Variants in CRACR2A observed in about 807,000 individuals in gnomAD.
The protein encoded by CRACR2A is calcium release activated channel regulator 2A.
Under a neutral mutation model 90.5 loss-of-function variants are expected in CRACR2A, and 79 were observed. That is an observed-to-expected ratio of 0.87 (90% confidence interval 0.73 to 1.05). CRACR2A has a LOEUF of 1.05. Among genes scored for constraint, CRACR2A ranks in the 50% least tolerant of loss-of-function variants. The pLI, the probability that CRACR2A is intolerant of heterozygous loss-of-function variation, is 0.00. For synonymous variants in CRACR2A, 338 were observed against 356.7 expected (o/e 0.95, Z 0.59); for missense variants, 823 against 897.2 (o/e 0.92, Z 1.06).
At chr12:3,707,625 A>G (rs1456071891) in intron 3 of CRACR2A, among the ~76,000 whole-genome samples, 1 of 152,236 alleles carries the variant, frequency 6.6e-6, no homozygotes, top group Non-Finnish European at 1.5e-5. Flanking sequence ...GGCGTCTGGT[A>G]TATATTAAAG....
chr12:3,644,436 C>T (rs1299130976), intron 12 of CRACR2A, among the ~76,000 whole-genome samples, 159 bp downstream of exon 12: 1 of 152,076 alleles, frequency 6.6e-6, no homozygotes, highest in African/African-American at 2.4e-5. Flanking sequence ...CAGTAGGCCA[C>T]CCTGAATTTT....
In CRACR2A at chr12:3,704,098, A is replaced by C. The variant is rs241999; in HGVS notation, c.-36-7063T>G. Among the ~76,000 whole-genome samples the C allele has an allele frequency of 3.5e-3, 537 of 152,378 alleles. 2 individuals are homozygous for C. The highest frequency in any genetic ancestry group is 0.011 in the African/African-American group (473 of 41,582). On this transcript the variant is annotated intron_variant, in intron 3 of 19. Coordinates refer to ENST00000440314, the MANE Select transcript of CRACR2A (RefSeq NM_001144958.2). ...CTCAAGAGAAGAAAAGCATGTGTACATACAAAGACTTGTACATGACTGTTC... is the reference window on the plus strand; with the variant it reads ...CTCAAGAGAAGAAAAGCATGTGTACCTACAAAGACTTGTACATGACTGTTC...
At chr12:3,638,012 T>C (rs1328012720) in intron 14 of CRACR2A, 112 bp downstream of exon 14, 2 of 1,060,442 alleles carry the variant, frequency 1.9e-6, no homozygotes, top group East Asian at 2.6e-5. Flanking sequence ...TGGTGAATCA[T>C]AAGACCTGCA....
chr12:3,750,693 C>T (rs1322734341), intron 1 of CRACR2A, among the ~76,000 whole-genome samples: 1 of 152,180 alleles, frequency 6.6e-6, no homozygotes, highest in African/African-American at 2.4e-5. Context: ...GATGTGAACT[C>T]AGTGGGTGAT....
chr12:3,703,832 C>T (rs1030275792), intron 3 of CRACR2A, among the ~76,000 whole-genome samples: 3 of 152,132 alleles, frequency 2.0e-5, no homozygotes, highest in Non-Finnish European at 4.4e-5. Flanking sequence ...GATATTCACC[C>T]TCATTACTTA....
intron 15 of CRACR2A, among the ~76,000 whole-genome samples, chr12:3,630,186 G>A (rs917818482): frequency 2.0e-5 from 3 of 152,188 alleles, no homozygotes; most frequent in African/African-American, 4.8e-5. Context: ...TGGAGCATTC[G>A]ACCCTCACAT....
Position 3,638,165 on chromosome 12 carries a change from A to T in CRACR2A, c.1561T>A (p.Ser521Thr), listed in dbSNP as rs1482598492. 3.2e-6 allele frequency: 5 copies of T among 1,548,450 alleles called. No homozygotes were observed. The East Asian group carries it at 1.2e-4, about 38-fold the overall frequency. Reference protein sequence around the residue: ...EAPPLKLTPTSPRGQPVGKEA... With the variant: ...EAPPLKLTPTTPRGQPVGKEA... Reference sequence around the variant, plus strand: ...TTTCCAACAGGCTGCCCTCGGGGGGATGTGGGGGTGAGTTTCAAGGGTGGG... The same window carrying T: ...TTTCCAACAGGCTGCCCTCGGGGGGTTGTGGGGGTGAGTTTCAAGGGTGGG... Residue 521 changes from serine (S) to threonine (T), a missense_variant, in exon 14 of 20, where the codon TCC (serine) becomes ACC (threonine). Ser to Thr is a moderately conservative substitution (Grantham distance 58). Transcript: ENST00000440314.
rs1944292775 is a variant in CRACR2A at position 3,627,692 on chromosome 12, C to T, written c.1750G>A (p.Val584Met). The T allele has an allele frequency of 4.5e-6, 7 of 1,551,674 alleles. No individual in the cohort carries two copies. In the East Asian group the frequency reaches 7.3e-5, roughly 16 times the overall value. The part of the protein sequence containing the change: ...MAATVGIDYR[V>M]KTLNVDNSQV... ...GAGTTGTCCACATTCAACGTCTTCA[C>T]ACGGTAATCAATGCCTGCAGGGTGA... Residue 584 changes from valine to methionine, a missense_variant, in exon 16 of 20, where the codon GTG becomes ATG. Val to Met is a conservative substitution (Grantham distance 21, BLOSUM62 1). Coordinates refer to ENST00000440314, the MANE Select transcript of CRACR2A (RefSeq NM_001144958.2).
intron 9 of CRACR2A, 30 bp from the exon 10 acceptor site, chr12:3,654,429 G>A (rs1428239712): frequency 1.9e-6 from 3 of 1,556,822 alleles, no homozygotes; most frequent in Middle Eastern, 3.4e-4. Flanking sequence ...AGAGGGGAAT[G>A]AGGAGTGACC....
chr12:3,654,719 G>A (rs1436979982), intron 9 of CRACR2A, among the ~76,000 whole-genome samples: 1 of 152,208 alleles, frequency 6.6e-6, no homozygotes, highest in Non-Finnish European at 1.5e-5. Flanking sequence ...ATGGCCTTGA[G>A]ATCTAACCTA....
At chr12:3,674,828 T>C (rs1945311550) in intron 6 of CRACR2A, among the ~76,000 whole-genome samples, 1 of 152,234 alleles carries the variant, frequency 6.6e-6, no homozygotes, top group Non-Finnish European at 1.5e-5. Flanking sequence ...CTTCTCAAAG[T>C]CTTTTGTTAC....
At chr12:3,668,824 G>C (rs1191735323) in intron 7 of CRACR2A, among the ~76,000 whole-genome samples, 1 of 152,182 alleles carries the variant, frequency 6.6e-6, no homozygotes, top group Non-Finnish European at 1.5e-5. Context: ...GCTGGTAGGG[G>C]CTGCAACTTA....
In CRACR2A at chr12:3,690,486, T is replaced by C. The variant is rs1945633307; in HGVS notation, c.228+6286A>G. Among the ~76,000 whole-genome samples, 4 of 152,364 alleles carry C rather than the reference T, an allele frequency of 2.6e-5. No homozygotes were observed. In the East Asian group the frequency reaches 7.7e-4, roughly 29 times the overall value. On this transcript the variant is annotated intron_variant, in intron 4 of 19. Coordinates refer to ENST00000440314, the MANE Select transcript of CRACR2A (RefSeq NM_001144958.2). Reference sequence around the variant, plus strand: ...GTATGGTTTTTAGTAAATTTCTTAGTCTTCATTTCTAATCCGATTGTGCTG... The same window carrying C: ...GTATGGTTTTTAGTAAATTTCTTAGCCTTCATTTCTAATCCGATTGTGCTG...
intron 2 of CRACR2A, chr12:3,726,725 T>C (rs2137834362): frequency 6.6e-6 from 1 of 152,192 alleles, no homozygotes; most frequent in Admixed American, 6.5e-5. Context: ...TGATAATTTA[T>C]TACGCTGTGA....
chr12:3,668,406 C>T (rs1945184437), intron 7 of CRACR2A, among the ~76,000 whole-genome samples: 2 of 152,156 alleles, frequency 1.3e-5, no homozygotes. Flanking sequence ...CCCTGAGACG[C>T]ACCGATTTAG....
chr12:3,641,205 G>A (rs571671965), intron 13 of CRACR2A, among the ~76,000 whole-genome samples: 7 of 152,228 alleles, frequency 4.6e-5, no homozygotes, highest in South Asian at 2.1e-4. Context: ...TTAGATGGGC[G>A]TGGTGGCGCA....
intron 3 of CRACR2A, among the ~76,000 whole-genome samples, chr12:3,703,163 T>G (rs868403905): frequency 6.6e-6 from 1 of 152,200 alleles, no homozygotes; most frequent in East Asian, 1.9e-4. Flanking sequence ...ATCTCTGGCT[T>G]ACTGCAAGCT....
At chr12:3,646,239 C>T (rs1012586071) in intron 11 of CRACR2A, among the ~76,000 whole-genome samples, 3 of 152,190 alleles carry the variant, frequency 2.0e-5, no homozygotes, top group Non-Finnish European at 4.4e-5. Flanking sequence ...GAATTTCATC[C>T]GTTAACACAA....
chr12:3,656,269 A>G, intron 9 of CRACR2A, 42 bp downstream of exon 9: 1 of 1,586,100 alleles, frequency 6.3e-7, no homozygotes, highest in African/African-American at 1.3e-5. Context: ...AAAAGGAGAG[A>G]GTGAAGAGCC....
Sources: allele counts gnomAD v4.1 joint callset (sites outside exome capture counted in the v4.1 genomes callset), GRCh38; gene constraint gnomAD v4.1.1; transcripts MANE v1.5; gene names NCBI Gene and HGNC (gene_info 2026-07-23, HGNC 2026-07-21).